Variants in MANBA observed in about 807,000 individuals in gnomAD.
MANBA encodes mannosidase beta, also known as beta-mannosidase.
A neutral mutation model predicts 111.1 loss-of-function variants in MANBA; 83 were observed. That is an observed-to-expected ratio of 0.75 (90% CI 0.63 to 0.90). The LOEUF (loss-of-function observed/expected upper bound fraction) is 0.90. Among genes scored for constraint, MANBA ranks in the 40% least tolerant of loss-of-function variants. MANBA has a pLI of 0.00. For synonymous variants in MANBA, 370 were observed against 378.7 expected (o/e 0.98, Z 0.27); for missense variants, 1,036 against 1,069.0 (o/e 0.97, Z 0.43).
chr4:102,695,866 T>C (rs1244403765), intron 5 of MANBA, among the ~76,000 whole-genome samples: 3 of 152,122 alleles, frequency 2.0e-5, no homozygotes, highest in Non-Finnish European at 4.4e-5. Flanking sequence ...ATATTCAATG[T>C]AAAACAAAGC....
chr4:102,719,827 T>C (rs1279899391), intron 4 of MANBA, among the ~76,000 whole-genome samples: 1 of 152,242 alleles, frequency 6.6e-6, no homozygotes, highest in Non-Finnish European at 1.5e-5. Flanking sequence ...CTCAGGTGTC[T>C]TCCCACTGGA....
At chr4:102,702,042 G>A (rs537674758) in intron 5 of MANBA, among the ~76,000 whole-genome samples, 3,832 of 152,016 alleles carry the variant, frequency 0.025, 66 homozygotes, top group Middle Eastern at 0.044. Context: ...CATATTTCTT[G>A]GAGGCTTTGT....
At chr4:102,749,861 C>A (rs923957686) in intron 1 of MANBA, among the ~76,000 whole-genome samples, 1 of 152,222 alleles carries the variant, frequency 6.6e-6, no homozygotes, top group Non-Finnish European at 1.5e-5. Context: ...GACCAGCCAA[C>A]GCTTACCTAA....
rs112573030 is a variant in MANBA at position 102,673,805 on chromosome 4, A to G, written c.1112+114T>C. On this transcript the variant is annotated intron_variant, in intron 8 of 16. Transcript: ENST00000647097. Reference sequence around the variant, plus strand: ...TGAAGTTTCCATCGTCTAGAATTCTATACTACCTCTTAGTTCCTTGCCCAG... The same window carrying G: ...TGAAGTTTCCATCGTCTAGAATTCTGTACTACCTCTTAGTTCCTTGCCCAG... 3.6e-3 allele frequency: 3,440 copies of G among 954,420 alleles called. 40 individuals carry two copies. The highest frequency in any genetic ancestry group is 0.035 in the African/African-American group (2,158 of 60,850). 59.1% of individuals were successfully genotyped at this position (954,420 alleles called of 1,614,324 possible).
At chr4:102,640,273 T>C (rs1355598985) in intron 13 of MANBA, among the ~76,000 whole-genome samples, 5 of 152,348 alleles carry the variant, frequency 3.3e-5, no homozygotes, top group Admixed American at 3.3e-4. Context: ...AAACTTTTAC[T>C]AGAAAAAATT....
At chr4:102,665,814 G>A (rs972479670) in intron 10 of MANBA, 5 of 152,140 alleles carry the variant, frequency 3.3e-5, no homozygotes, top group Admixed American at 2.6e-4. Flanking sequence ...ATATTTATAG[G>A]TTCACCTTCG....
At chr4:102,670,922 TTTAC>T (rs1731467901) in intron 9 of MANBA, 1 of 158,144 alleles carries the variant, frequency 6.3e-6, no homozygotes, top group Non-Finnish European at 1.4e-5. Flanking sequence ...ACACCTTTTC[TTTAC>T]TTAATTTTAT....
In MANBA at chr4:102,635,856, G is replaced by A. The variant is rs781025298; in HGVS notation, c.2157+9C>T. The A allele has an allele frequency of 3.1e-6, 5 of 1,609,534 alleles. No individual in the cohort carries two copies. The highest frequency in any genetic ancestry group is 8.5e-7 in the Non-Finnish European group (1 of 1,175,984). Reference sequence around the variant, plus strand: ...CCTTCGATCTTAGAAAACAATCCAAGTAACTTACACTGAGTGTCATCGAAT... The same window carrying A: ...CCTTCGATCTTAGAAAACAATCCAAATAACTTACACTGAGTGTCATCGAAT... On this transcript the variant is annotated intron_variant, in intron 15 of 16. Transcript: ENST00000647097.
chr4:102,753,795 T>G (rs1159298836), intron 1 of MANBA: 1 of 196,194 alleles, frequency 5.1e-6, no homozygotes, highest in African/African-American at 2.4e-5. Context: ...AAATCTATAT[T>G]AAAGAGGCCA....
At chr4:102,638,161 T>G (rs1210557772) in intron 14 of MANBA, among the ~76,000 whole-genome samples, 2 of 152,134 alleles carry the variant, frequency 1.3e-5, no homozygotes, top group Non-Finnish European at 2.9e-5. Context: ...CGGTGGCTCA[T>G]GCCTGTAATC....
Position 102,730,796 on chromosome 4 carries a change from T to C in MANBA, c.178-4113A>G, listed in dbSNP as rs986539154. 14 of 436,818 alleles carry C rather than the reference T, an allele frequency of 3.2e-5. No homozygotes were observed. In the Admixed American group the frequency reaches 3.3e-4, roughly 10 times the overall value. 27.1% of individuals were successfully genotyped at this position (436,818 alleles called of 1,614,324 possible). A position where few individuals can be genotyped will look rare whatever the true frequency, so the allele number is the denominator to read the frequency against. On this transcript the variant is annotated intron_variant, in intron 1 of 16. Transcript: ENST00000647097. ...TCTCTTATAGGGTTTAGCTTGTTAA[T>C]TTCCTTATACTTTGTCCTCAAACTC...
Position 102,664,745 on chromosome 4 carries a change from T to C in MANBA, c.1425A>G (p.Pro475=). 2 of 1,613,358 alleles carry C rather than the reference T, an allele frequency of 1.2e-6. No individual in the cohort carries two copies. Among genetic ancestry groups the C allele is most frequent in the East Asian group, 2.2e-5 (1 of 44,884 alleles). ...GTGTCACATAGTCCTTGATGTAGAT[T>C]GGCCGGTCAGTGAAACTGATATGAT... is the stretch of plus-strand genomic sequence containing the variant. ...NWYHISFTDR[P]IYIKDYVTLY... is the part of the protein sequence containing the mutation. Residue 475 remains proline, a synonymous_variant, in exon 11 of 17, where the codon CCA becomes CCG. Transcript: ENST00000647097.
At chr4:102,668,922 T>C (rs1430743416) in intron 10 of MANBA, 41 bp downstream of exon 10, 1 of 1,462,532 alleles carries the variant, frequency 6.8e-7, no homozygotes, top group East Asian at 2.3e-5. Flanking sequence ...TACTAAAACA[T>C]ATTATTTGTT....
At chr4:102,657,227 G>GGGGGGGGGGGGGA (rs1730599748) in intron 12 of MANBA, among the ~76,000 whole-genome samples, 1 of 123,340 alleles carries the variant, frequency 8.1e-6, no homozygotes, top group Non-Finnish European at 1.7e-5. Context: ...TGGGGTGGGG[G>GGGGGGGGGGGGGA]GGGGGTGGGC....
intron 5 of MANBA, among the ~76,000 whole-genome samples, chr4:102,702,332 C>G (rs1304141775): frequency 6.6e-6 from 1 of 151,968 alleles, no homozygotes. Context: ...GTAGTTTGAT[C>G]GCCTGAAGCC....
intron 2 of MANBA, 51 bp from the exon 3 acceptor site, chr4:102,724,018 G>A (rs1001159736): frequency 1.0e-6 from 1 of 964,468 alleles, no homozygotes; most frequent in African/African-American, 1.6e-5. Flanking sequence ...CATTAACTTA[G>A]ATAAGTCTCT....
chr4:102,631,760 A>G lies in MANBA; in HGVS notation c.*297T>C, dbSNP rs564342697. The G allele has an allele frequency of 6.9e-6, 4 of 580,374 alleles. No individual in the cohort carries two copies. Among genetic ancestry groups the G allele is most frequent in the African/African-American group, 5.6e-5 (3 of 53,798 alleles). The allele number at this position is 580,374 out of a possible 1,614,324, so 36.0% of individuals were successfully genotyped here. ...CATTCTTGTAACCAGCTGCAGGGCC[A>G]TCTTGTTATAACTGGTTCATGTCCT... is the stretch of plus-strand genomic sequence containing the variant. On this transcript the variant is annotated 3_prime_UTR_variant, in exon 17 of 17. Coordinates refer to ENST00000647097, the MANE Select transcript of MANBA (RefSeq NM_005908.4).
rs78147431 is a variant in MANBA, at chr4:102,734,276, G to A, written c.178-7593C>T. On this transcript the variant is annotated intron_variant, in intron 1 of 16. Coordinates refer to ENST00000647097, the MANE Select transcript of MANBA (RefSeq NM_005908.4). ...GTAAACCTACAAAGTCTACTCTTCC[G>A]GGGGAGAAGGGCAGCAGCGTGAGAG... 4,023 of 1,372,158 alleles carry A rather than the reference G, an allele frequency of 2.9e-3. 63 individuals carry two copies. In the African/African-American group the frequency reaches 0.04, roughly 14 times the overall value. The allele number at this position is 1,372,158 out of a possible 1,614,324, so 85.0% of individuals were successfully genotyped here.
intron 1 of MANBA, among the ~76,000 whole-genome samples, 174 bp downstream of exon 1, chr4:102,760,544 C>T (rs957430401): frequency 2.0e-5 from 3 of 152,228 alleles, no homozygotes; most frequent in Admixed American, 2.0e-4. Context: ...TCCGTCAAGC[C>T]CGTACCCCAT....
Sources: allele counts gnomAD v4.1 joint callset (sites outside exome capture counted in the v4.1 genomes callset), GRCh38; gene constraint gnomAD v4.1.1; transcripts MANE v1.5; gene names NCBI Gene and HGNC (gene_info 2026-07-23, HGNC 2026-07-21).